The following GAB3 variants were observed in gnomAD, a reference collection of about 807,000 sequenced individuals.
GAB3 encodes GRB2 associated binding protein 3.
In GAB3, 12 loss-of-function variants were observed where a neutral mutation model predicts 40.4. The observed-to-expected ratio is 0.30, with a 90% CI of 0.19 to 0.48. The LOEUF is 0.48. Among genes scored for constraint, GAB3 ranks in the 20% least tolerant of loss-of-function variants. The probability of loss-of-function intolerance (pLI) is 0.99; values close to 1 mark genes in which losing one functional copy is unlikely to be tolerated. For missense variants in GAB3, 381 were observed against 461.9 expected (o/e 0.82, Z 1.61); for synonymous variants, 154 against 176.7 (o/e 0.87, Z 1.02).
Position 154,712,666 on chromosome X carries a change from T to C in GAB3, c.632A>G (p.Asp211Gly). The C allele has an allele frequency of 8.9e-7, 1 of 1,129,664 alleles. No homozygotes were observed. The highest frequency in any genetic ancestry group is 1.2e-6 in the Non-Finnish European group (1 of 855,948). 93.1% of individuals were successfully genotyped at this position (1,129,664 alleles called of 1,213,427 possible). The change falls in exon 4 of 10, where the codon GAC (aspartate) becomes GGC (glycine). Residue 211 changes from aspartate to glycine, a missense_variant. Asp to Gly is a moderately conservative substitution (Grantham distance 94). Coordinates refer to ENST00000424127, the MANE Select transcript of GAB3 (RefSeq NM_001081573.3). ...PTRCDSWSNSDRSLEQASFDD... is the reference protein window; with the variant it reads ...PTRCDSWSNSGRSLEQASFDD... ...AAATGAAGCCTGTTCCAATGAACGG[T>C]CTGAGTTTGACCAGCTATCACATCT...
rs782406614 is a variant in GAB3, at chrX:154,712,293, T to C, written c.1005A>G (p.Pro335=). ...TTCTTCTTGGAACCAGAGTGCATTC[T>C]GGCTTCTTGCTACCACTGTGTGTAC... The part of the protein sequence containing the change: ...EWSTHSGSKK[P]ECTLVPRRIS... The change falls in exon 4 of 10, where the codon CCA becomes CCG. Residue 335 remains proline (P), a synonymous_variant. Transcript: ENST00000424127. The C allele has an allele frequency of 8.3e-7, 1 of 1,208,565 alleles. No homozygotes were observed. The highest frequency in any genetic ancestry group is 3.0e-5 in the East Asian group (1 of 33,724).
intron 6 of GAB3, among the ~76,000 whole-genome samples, chrX:154,697,574 T>C (rs987206918): frequency 1.8e-5 from 2 of 112,013 alleles, no homozygotes; most frequent in Non-Finnish European, 3.8e-5. Flanking sequence ...AGTGGAAATG[T>C]TACCTTTCTT....
intron 8 of GAB3, among the ~76,000 whole-genome samples, chrX:154,691,067 G>A (rs1294412059): frequency 3.6e-5 from 4 of 110,372 alleles, no homozygotes; most frequent in East Asian, 2.8e-4. Context: ...GCACATATAC[G>A]CCATGGAACA....
intron 4 of GAB3, among the ~76,000 whole-genome samples, chrX:154,701,204 T>A (rs1425772155): frequency 1.8e-5 from 2 of 111,763 alleles, no homozygotes; most frequent in African/African-American, 6.5e-5. Flanking sequence ...ATAGGACTTC[T>A]GGAAAGGACA....
At chrX:154,711,762 T>C (rs188665564) in intron 4 of GAB3, among the ~76,000 whole-genome samples, 6 of 111,983 alleles carry the variant, frequency 5.4e-5, no homozygotes, top group African/African-American at 1.9e-4. Flanking sequence ...ACAAAAGACA[T>C]CAACTTTTGT....
At chrX:154,707,286 TA>T (rs2070826735) in intron 4 of GAB3, among the ~76,000 whole-genome samples, 1 of 111,710 alleles carries the variant, frequency 9.0e-6, no homozygotes, top group African/African-American at 3.3e-5. Flanking sequence ...AGTTTAGCAC[TA>T]AAAAAATTAT....
intron 1 of GAB3, among the ~76,000 whole-genome samples, chrX:154,722,468 T>C (rs2071148761): frequency 8.9e-6 from 1 of 112,103 alleles, no homozygotes; most frequent in African/African-American, 3.2e-5. Flanking sequence ...TTTGCTGCTA[T>C]TGACACACAC....
At chrX:154,712,967 T>G (rs2070978322) in intron 3 of GAB3, among the ~76,000 whole-genome samples, 1 of 112,676 alleles carries the variant, frequency 8.9e-6, no homozygotes, top group Non-Finnish European at 1.9e-5. Flanking sequence ...TGACTCATTC[T>G]GTTTAGTATA....
chrX:154,700,134 A>G, intron 4 of GAB3, 75 bp from the exon 5 acceptor site: 2 of 832,259 alleles, frequency 2.4e-6, no homozygotes, highest in Non-Finnish European at 3.6e-6. Context: ...GAGGCAGAGA[A>G]GCATAACACA....
rs2071607966 is a variant in GAB3 at position 154,751,041 on chromosome X, C to T, written c.-16G>A. The stretch of plus-strand genomic sequence containing the variant: ...CCGCACTCATCGTGGCCGCCGCCGC[C>T]GCTTCCTCCAGCTGGGCCAGCCGCC... On this transcript the variant is annotated 5_prime_UTR_variant, in exon 1 of 10. Coordinates refer to ENST00000424127, the MANE Select transcript of GAB3 (RefSeq NM_001081573.3). The T allele has an allele frequency of 1.3e-6, 1 of 796,638 alleles. No homozygotes were observed. Among genetic ancestry groups the T allele is most frequent in the Non-Finnish European group, 1.5e-6 (1 of 664,175 alleles). 65.7% of individuals were successfully genotyped at this position (796,638 alleles called of 1,213,427 possible).
chrX:154,694,953 C>T (rs1159467144), intron 8 of GAB3, among the ~76,000 whole-genome samples: 1 of 112,109 alleles, frequency 8.9e-6, no homozygotes, highest in Non-Finnish European at 1.9e-5. Context: ...GTTAAGTGCA[C>T]TTACAGCATG....
intron 8 of GAB3, among the ~76,000 whole-genome samples, chrX:154,690,782 G>C (rs2070548480): frequency 9.1e-6 from 1 of 110,409 alleles, no homozygotes; most frequent in Non-Finnish European, 1.9e-5. Flanking sequence ...GTGCTGGAGA[G>C]GATGTGGAGA....
chrX:154,709,383 T>C (rs1055158149), intron 4 of GAB3, among the ~76,000 whole-genome samples: 6 of 106,850 alleles, frequency 5.6e-5, no homozygotes, highest in Non-Finnish European at 9.7e-5. Flanking sequence ...TGCAGTGGTG[T>C]GATCTTGGCT....
intron 1 of GAB3, among the ~76,000 whole-genome samples, 186 bp from the exon 2 acceptor site, chrX:154,716,515 A>G: frequency 8.9e-6 from 1 of 112,868 alleles, no homozygotes; most frequent in East Asian, 2.8e-4. Context: ...GATTTTAAGG[A>G]CGGGTCAGGA....
At chrX:154,714,481 ACT>A (rs1281704802) in intron 2 of GAB3, among the ~76,000 whole-genome samples, 1 of 111,962 alleles carries the variant, frequency 8.9e-6, no homozygotes, top group African/African-American at 3.2e-5. Flanking sequence ...AGAACCAAAC[ACT>A]CTGTGAAAAG....
chrX:154,723,914 T>C (rs1343018382), intron 1 of GAB3, among the ~76,000 whole-genome samples: 1 of 111,949 alleles, frequency 8.9e-6, no homozygotes, highest in Non-Finnish European at 1.9e-5. Context: ...AGTACTTGAG[T>C]AACTCAACTT....
In GAB3 at chrX:154,712,593, C is replaced by T; in HGVS notation, c.705G>A (p.Leu235=). ...DCLQPLPSSH[L]VHPSCHGSGA... is the part of the protein sequence containing the mutation. ...CACTGCCATGGCATGAGGGGTGGAC[C>T]AAATGACTGGAGGGGAGCGGCTGCA... The change falls in exon 4 of 10, where the codon TTG becomes TTA. Residue 235 remains leucine (L), a synonymous_variant. Transcript: ENST00000424127. The T allele has an allele frequency of 1.7e-6, 2 of 1,146,740 alleles. No homozygotes were observed. Among genetic ancestry groups the T allele is most frequent in the Non-Finnish European group, 2.3e-6 (2 of 865,032 alleles). The allele number at this position is 1,146,740 out of a possible 1,213,427, so 94.5% of individuals were successfully genotyped here. A position where few individuals can be genotyped will look rare whatever the true frequency, so the allele number is the denominator to read the frequency against.
At chrX:154,690,505 C>T (rs1410396356) in intron 8 of GAB3, among the ~76,000 whole-genome samples, 2 of 111,997 alleles carry the variant, frequency 1.8e-5, no homozygotes, top group African/African-American at 3.2e-5. Context: ...AGAAAACTTT[C>T]GCAACCTACT....
At chrX:154,713,498 T>C (rs1371401662) in intron 2 of GAB3, 72 bp from the exon 3 acceptor site, 10 of 835,131 alleles carry the variant, frequency 1.2e-5, no homozygotes, top group African/African-American at 2.1e-5. Flanking sequence ...TCCAACAGCA[T>C]CAAAGAAGCC....
Sources: allele counts gnomAD v4.1 joint callset (sites outside exome capture counted in the v4.1 genomes callset), GRCh38; gene constraint gnomAD v4.1.1; transcripts MANE v1.5; gene names NCBI Gene and HGNC (gene_info 2026-07-23, HGNC 2026-07-21).